STIM2: variants seen among roughly 807,000 people sequenced by gnomAD.
STIM2 encodes stromal interaction molecule 2.
Under a neutral mutation model 85.8 loss-of-function variants are expected in STIM2, and 31 were observed. The ratio of observed to expected loss-of-function variants is 0.36; its 90% confidence interval spans 0.27 to 0.49. The LOEUF is 0.49. Among genes scored for constraint, STIM2 ranks in the 20% least tolerant of loss-of-function variants. The pLI, the probability that STIM2 is intolerant of heterozygous loss-of-function variation, is 0.98. For missense variants in STIM2, 841 were observed against 927.6 expected, an observed-to-expected ratio of 0.91 and a Z score of 1.21; for synonymous variants, 356 against 331.1, an observed-to-expected ratio of 1.08 and a Z score of -0.82.
rs1728946448 is a variant in STIM2, at chr4:27,022,522, A to G, written c.1767A>G (p.Glu589=). 6.3e-7 allele frequency: 1 copy of G among 1,583,398 alleles called. No homozygotes were observed. The highest frequency in any genetic ancestry group is 1.1e-5 in the South Asian group (1 of 88,214). ...CCTTTGTTTGTGTTTCATTCAGGGAAGTGCCAGACACAGCTTCAGAATGTG... is the reference window on the plus strand; with the variant it reads ...CCTTTGTTTGTGTTTCATTCAGGGAGGTGCCAGACACAGCTTCAGAATGTG... Residue 589 remains glutamate (E), a synonymous_variant, in exon 12 of 12, where the codon GAA becomes GAG. Coordinates refer to ENST00000467087, the MANE Select transcript of STIM2 (RefSeq NM_020860.4).
rs770246322 is a variant in STIM2 at position 27,008,733 on chromosome 4, CAGTA to C, written c.1251-25_1251-22del. 6 of 1,598,592 alleles carry C rather than the reference CAGTA, an allele frequency of 3.8e-6. No individual in the cohort carries two copies. The Admixed American group carries it at 6.7e-5, about 18-fold the overall frequency. Reference sequence around the variant, plus strand: ...GTGCCATATTAAAGACCTTTTGATGCAGTAAGTAATTTCTTTATTGGCTTTTCCA... The same window carrying C: ...GTGCCATATTAAAGACCTTTTGATGCAGTAATTTCTTTATTGGCTTTTCCA... On this transcript the variant is annotated intron_variant, in intron 9 of 11. Transcript: ENST00000467087.
At chr4:26,874,000 C>T (rs1390358926) in intron 1 of STIM2, 2 of 866,614 alleles carry the variant, frequency 2.3e-6, no homozygotes, top group African/African-American at 1.7e-5. Flanking sequence ...TCTTTCTCCT[C>T]CTGGCCTTCA....
intron 3 of STIM2, among the ~76,000 whole-genome samples, chr4:26,984,494 G>A (rs1727511050): frequency 6.6e-6 from 1 of 152,244 alleles, no homozygotes; most frequent in South Asian, 2.1e-4. Context: ...CTGAGTAGCT[G>A]GGATTACAGG....
intron 2 of STIM2, among the ~76,000 whole-genome samples, chr4:26,948,766 A>G (rs77538515): frequency 3.3e-5 from 5 of 152,046 alleles, no homozygotes; most frequent in African/African-American, 7.3e-5. Context: ...TAAATTATGT[A>G]TTACTAATTC....
chr4:26,914,735 T>C (rs1407318090), intron 1 of STIM2, among the ~76,000 whole-genome samples: 1 of 152,180 alleles, frequency 6.6e-6, no homozygotes, highest in Non-Finnish European at 1.5e-5. Context: ...AAGTTTAGGG[T>C]AAAGTTACGA....
intron 1 of STIM2, among the ~76,000 whole-genome samples, chr4:26,876,006 T>C (rs559744234): frequency 6.6e-6 from 1 of 152,306 alleles, no homozygotes; most frequent in South Asian, 2.1e-4. Context: ...TTGTAGTATA[T>C]AGTATGTACA....
intron 5 of STIM2, 26 bp downstream of exon 5, chr4:26,999,373 A>G (rs6822297): frequency 0.44 from 622,537 of 1,417,130 alleles, 142,886 homozygotes; most frequent in Non-Finnish European, 0.47. Flanking sequence ...CACTCAGAGG[A>G]TGATGTAAAA....
chr4:26,939,411 T>C (rs1011377263), intron 2 of STIM2, among the ~76,000 whole-genome samples: 4 of 152,188 alleles, frequency 2.6e-5, no homozygotes, highest in Non-Finnish European at 2.9e-5. Context: ...TACCAAATAT[T>C]GATGACATGC....
chr4:27,015,038 C>T (rs1194807376), intron 10 of STIM2, among the ~76,000 whole-genome samples: 3 of 151,686 alleles, frequency 2.0e-5, no homozygotes, highest in Non-Finnish European at 4.4e-5. Context: ...CAAAATTTTT[C>T]CATTATTAGA....
At chr4:26,955,242 C>T (rs1726203749) in intron 2 of STIM2, among the ~76,000 whole-genome samples, 1 of 147,392 alleles carries the variant, frequency 6.8e-6, no homozygotes, top group African/African-American at 2.6e-5. Context: ...GCTAGAATAC[C>T]ACATCTAGTC....
chr4:26,947,700 C>T (rs1259765139), intron 2 of STIM2, among the ~76,000 whole-genome samples: 1 of 152,184 alleles, frequency 6.6e-6, no homozygotes, highest in Non-Finnish European at 1.5e-5. Flanking sequence ...GCGCTTCCTC[C>T]CCAGGTCTGA....
intron 11 of STIM2, chr4:27,021,476 G>T (rs1477239902): frequency 2.2e-6 from 1 of 456,708 alleles, no homozygotes; most frequent in Non-Finnish European, 4.4e-6. Flanking sequence ...GAGGGGTCTC[G>T]AGGTTGGCAT....
chr4:26,861,425 C>T (rs1318258676), intron 1 of STIM2, 56 bp downstream of exon 1: 3 of 1,275,192 alleles, frequency 2.4e-6, no homozygotes, highest in Non-Finnish European at 3.0e-6. Context: ...GGACCCCCAA[C>T]CCGTGCAGAG....
intron 2 of STIM2, among the ~76,000 whole-genome samples, chr4:26,957,091 G>T (rs553692175): frequency 1.3e-5 from 2 of 152,206 alleles, no homozygotes; most frequent in African/African-American, 4.8e-5. Flanking sequence ...ATATAAAAAT[G>T]ATATAGCATT....
chr4:26,997,484 A>G (rs868213835), intron 4 of STIM2, among the ~76,000 whole-genome samples: 4 of 152,120 alleles, frequency 2.6e-5, no homozygotes, highest in South Asian at 2.1e-4. Context: ...TTTCAGGCCT[A>G]TGTGGCCTTC....
At chr4:27,005,019 G>A (rs183291041) in intron 7 of STIM2, among the ~76,000 whole-genome samples, 112 of 152,276 alleles carry the variant, frequency 7.4e-4, no homozygotes, top group Non-Finnish European at 5.7e-4. Context: ...TAAAGGCAAG[G>A]TTTTGCGTGT....
intron 1 of STIM2, among the ~76,000 whole-genome samples, chr4:26,912,053 C>G (rs116520503): frequency 6.6e-6 from 1 of 151,922 alleles, no homozygotes; most frequent in African/African-American, 2.4e-5. Flanking sequence ...AAAATTTTCT[C>G]GAGAATTTAC....
intron 1 of STIM2, among the ~76,000 whole-genome samples, chr4:26,890,683 G>T (rs1191145527): frequency 1.3e-5 from 2 of 151,826 alleles, no homozygotes; most frequent in Non-Finnish European, 2.9e-5. Context: ...AATTAGCCGG[G>T]CGTAGTGGCG....
chr4:27,023,470 G>GAA lies in STIM2; in HGVS notation c.*485_*486dup, dbSNP rs35840384. The GAA allele has an allele frequency of 1.1e-3, 167 of 153,134 alleles. No individual in the cohort carries two copies. Among genetic ancestry groups the GAA allele is most frequent in the Middle Eastern group, 3.4e-3 (1 of 290 alleles). The allele number at this position is 153,134 out of a possible 1,614,324, so 9.5% of individuals were successfully genotyped here. A position where few individuals can be genotyped will look rare whatever the true frequency, so the allele number is the denominator to read the frequency against. ...AATTGCACTACTGTTTTCCAGACTG[G>GAA]AAAAAAAAAAAATCTCTGCAAGTGA... On this transcript the variant is annotated 3_prime_UTR_variant, in exon 12 of 12. Transcript: ENST00000467087.
Sources: allele counts gnomAD v4.1 joint callset (sites outside exome capture counted in the v4.1 genomes callset), GRCh38; gene constraint gnomAD v4.1.1; transcripts MANE v1.5; gene names NCBI Gene and HGNC (gene_info 2026-07-23, HGNC 2026-07-21).